Variants in CES1 observed in about 807,000 individuals in gnomAD.
CES1 encodes the protein liver carboxylesterase 1.
CES1 carries 50 observed loss-of-function variants against 53.0 expected under a neutral mutation model. That is an observed-to-expected ratio of 0.94 (90% CI 0.75 to 1.19). The LOEUF (loss-of-function observed/expected upper bound fraction) is 1.19, where lower values mean the gene tolerates loss of function less well. Among genes scored for constraint, CES1 ranks in the 50% most tolerant of loss-of-function variants. The probability of loss-of-function intolerance (pLI) is 0.00; values close to 1 mark genes in which losing one functional copy is unlikely to be tolerated. For missense variants in CES1, 534 were observed against 538.0 expected (o/e 0.99, Z 0.07); for synonymous variants, 202 against 210.1 (o/e 0.96, Z 0.33).
At position 55,826,460 on chromosome 16, in the gene CES1, G is replaced by A. The variant is rs573920001; in HGVS notation, c.261-165C>T. ...AGGCTATCAGGGGCTTCAGGTGGGG[G>A]CGCTGGGACTCACTAAGGTCTCCTA... On this transcript the variant is annotated intron_variant, in intron 2 of 13. Transcript: ENST00000360526. Among the ~76,000 whole-genome samples, 503 of 152,214 alleles carry A rather than the reference G, an allele frequency of 3.3e-3. 4 individuals are homozygous for A. The highest frequency in any genetic ancestry group is 3.2e-3 in the Non-Finnish European group (218 of 68,026).
In CES1 at chr16:55,821,467, GGCA is replaced by G; in HGVS notation, c.591_593del (p.Ala198del). ...CAATGTTGTCCTGGACCCAGCGCAG[GGCA>G]GCCACCTGGTCCAGGTGACCCCAGT... On this transcript the variant is annotated inframe_deletion, in exon 5 of 14. Transcript: ENST00000360526. The G allele has an allele frequency of 1.2e-6, 2 of 1,614,170 alleles. No homozygotes were observed. Among genetic ancestry groups the G allele is most frequent in the Non-Finnish European group, 8.5e-7 (1 of 1,180,038 alleles).
In CES1 at chr16:55,811,029, T is replaced by A. The variant is rs1212872005; in HGVS notation, c.1087-19A>T. ...TCAACTGCTAAAAAAAAAAAAAAGTTCAGCATTTATGAATCATTGGGAATT... is the reference window on the plus strand; with the variant it reads ...TCAACTGCTAAAAAAAAAAAAAAGTACAGCATTTATGAATCATTGGGAATT... On this transcript the variant is annotated intron_variant, in intron 9 of 13. Coordinates refer to ENST00000360526, the MANE Select transcript of CES1 (RefSeq NM_001025195.2). The A allele has an allele frequency of 6.6e-7, 1 of 1,514,938 alleles. No homozygotes were observed. The highest frequency in any genetic ancestry group is 2.2e-5 in the East Asian group (1 of 44,518). 93.8% of individuals were successfully genotyped at this position (1,514,938 alleles called of 1,614,324 possible). A position where few individuals can be genotyped will look rare whatever the true frequency, so the allele number is the denominator to read the frequency against.
chr16:55,811,062 A>C (rs1277619059), intron 9 of CES1, 52 bp from the exon 10 acceptor site: 1 of 1,457,794 alleles, frequency 6.9e-7, no homozygotes, highest in African/African-American at 1.4e-5. Context: ...ATTAATGATA[A>C]GAAACAAACT....
Position 55,828,768 on chromosome 16 carries a change from T to A in CES1, c.259A>T (p.Met87Leu), listed in dbSNP as rs757381382. Residue 87 changes from methionine to leucine, a missense_variant and splice_region_variant, in exon 2 of 14, where the codon ATG (methionine) becomes TTG (leucine). Met to Leu is a conservative substitution (Grantham distance 15). Transcript: ENST00000360526. ...FVKNATSYPP[M>L]CTQDPKAGQL... The stretch of plus-strand genomic sequence containing the variant: ...CCAAGGACACATGCCGCAGCTTACA[T>A]AGGAGGGTACGAGGTGGCATTCTTC... The A allele has an allele frequency of 4.3e-6, 7 of 1,614,232 alleles. No homozygotes were observed. The East Asian group carries it at 1.1e-4, about 26-fold the overall frequency.
Position 55,812,945 on chromosome 16 carries a change from C to G in CES1, c.1044G>C (p.Met348Ile). 1 of 1,614,062 alleles carries G rather than the reference C, an allele frequency of 6.2e-7. No individual in the cohort carries two copies. The highest frequency in any genetic ancestry group is 2.2e-5 in the East Asian group (1 of 44,890). Reference sequence around the variant, plus strand: ...CAAACTCCTGCTTGTTAATTCCGACCATGTAGGGGACAGTGTGGAAATTCC... The same window carrying G: ...CAAACTCCTGCTTGTTAATTCCGACGATGTAGGGGACAGTGTGGAAATTCC... ...AERNFHTVPY[M>I]VGINKQEFGW... Residue 348 changes from methionine (M) to isoleucine (I), a missense_variant, in exon 9 of 14, where the codon ATG (methionine) becomes ATC (isoleucine). Around this residue, in one of 5 missense-constraint regions of CES1, gnomAD observed 269 missense variants for 206.6 expected, o/e 1.30. Transcript: ENST00000360526.
intron 7 of CES1, among the ~76,000 whole-genome samples, chr16:55,818,833 A>G (rs2032055839): frequency 1.3e-5 from 2 of 151,934 alleles, no homozygotes; most frequent in Non-Finnish European, 2.9e-5. Flanking sequence ...AGATGGGTGA[A>G]AACTAGCAGA....
chr16:55,821,271 T>C, intron 5 of CES1, 97 bp downstream of exon 5: 2 of 1,470,868 alleles, frequency 1.4e-6, no homozygotes, highest in East Asian at 2.2e-5. Flanking sequence ...TCAGGTATTG[T>C]AATCAGAGGT....
intron 9 of CES1, 125 bp downstream of exon 9, chr16:55,812,778 C>T (rs1289005732): frequency 1.4e-6 from 2 of 1,387,022 alleles, no homozygotes; most frequent in African/African-American, 2.9e-5. Context: ...AATGTTAACT[C>T]CTGCTGAAGG....
chr16:55,821,537 C>T lies in CES1; in HGVS notation c.540-16G>A, dbSNP rs757291993. Reference sequence around the variant, plus strand: ...ATCCCCTGTGCTGTGAGGAAGAGAACAGGTTGAGGGTGGGGAGCAGAGATG... The same window carrying T: ...ATCCCCTGTGCTGTGAGGAAGAGAATAGGTTGAGGGTGGGGAGCAGAGATG... On this transcript the variant is annotated splice_polypyrimidine_tract_variant and intron_variant, in intron 4 of 13. Transcript: ENST00000360526. The T allele has an allele frequency of 3.1e-6, 5 of 1,613,974 alleles. No individual in the cohort carries two copies. In the African/African-American group the frequency reaches 4.0e-5, roughly 13 times the overall value.
chr16:55,812,878 C>T, intron 9 of CES1, 25 bp downstream of exon 9: 16 of 1,613,644 alleles, frequency 9.9e-6, no homozygotes, highest in Non-Finnish European at 1.3e-5. Context: ...GGTTGAGTCC[C>T]TCCAACAGAC....
intron 1 of CES1, among the ~76,000 whole-genome samples, chr16:55,830,809 G>GGAAGGAAGGAAGGAAGGTAA (rs2032623648): frequency 7.1e-6 from 1 of 140,982 alleles, no homozygotes; most frequent in Non-Finnish European, 1.6e-5. Flanking sequence ...AAGGAAGGAA[G>GGAAGGAAGGAAGGAAGGTAA]GAAGGAAGGA....
Position 55,821,458 on chromosome 16 carries a change from C to A in CES1, c.603G>T (p.Trp201Cys). 1 of 1,614,158 alleles carries A rather than the reference C, an allele frequency of 6.2e-7. No individual in the cohort carries two copies. The highest frequency in any genetic ancestry group is 2.2e-5 in the East Asian group (1 of 44,880). Reference protein sequence around the residue: ...GHLDQVAALRWVQDNIASFGG... With the variant: ...GHLDQVAALRCVQDNIASFGG... ...CAAAGCTGGCAATGTTGTCCTGGAC[C>A]CAGCGCAGGGCAGCCACCTGGTCCA... Residue 201 changes from tryptophan to cysteine, a missense_variant, in exon 5 of 14, where the codon TGG becomes TGT. Physicochemically the swap from Trp to Cys is radical, Grantham distance 215. Transcript: ENST00000360526.
chr16:55,811,431 A>G (rs1204029725), intron 9 of CES1, among the ~76,000 whole-genome samples: 1 of 152,056 alleles, frequency 6.6e-6, no homozygotes, highest in East Asian at 1.9e-4. Context: ...ATGACACTGA[A>G]ATCCTTAAAT....
At chr16:55,817,704 GTCTGTGTGTGTC>G (rs1192769721) in intron 7 of CES1, among the ~76,000 whole-genome samples, 1 of 151,862 alleles carries the variant, frequency 6.6e-6, no homozygotes, top group Non-Finnish European at 1.5e-5. Flanking sequence ...GTGTGTGGGT[GTCTGTGTGTGTC>G]TCTGTGTGTG....
intron 1 of CES1, among the ~76,000 whole-genome samples, chr16:55,831,412 A>AG (rs1350499639): frequency 6.6e-6 from 1 of 150,970 alleles, no homozygotes; most frequent in African/African-American, 2.5e-5. Context: ...AGGGTGAAAA[A>AG]GTGGGTGAAT....
At chr16:55,832,817 C>T (rs2032735367) in intron 1 of CES1, among the ~76,000 whole-genome samples, 187 bp downstream of exon 1, 1 of 152,250 alleles carries the variant, frequency 6.6e-6, no homozygotes, top group Non-Finnish European at 1.5e-5. Context: ...GTTCACCCTC[C>T]CTGCGTCTCC....
intron 1 of CES1, among the ~76,000 whole-genome samples, chr16:55,831,341 G>T (rs2032663138): frequency 1.3e-5 from 2 of 151,660 alleles, no homozygotes; most frequent in South Asian, 2.1e-4. Context: ...CCACTGGGCT[G>T]GTCATGCTCA....
chr16:55,833,030 G>A lies in CES1; in HGVS notation c.26C>T (p.Ala9Val). ...CCAAGCCGCGGAAGCAGAGAGAGTG[G>A]CCAGGATAAAGGCACGGAGCCACAT... The part of the protein sequence containing the change: MWLRAFIL[A>V]TLSASAAWAG... The change falls in exon 1 of 14, where the codon GCC (alanine) becomes GTC (valine). Residue 9 changes from alanine (A) to valine (V), a missense_variant. Ala to Val is a moderately conservative substitution (Grantham distance 64). This residue lies in a region of CES1 where 164 missense variants were observed against 162.4 expected (regional missense o/e 1.01). Transcript: ENST00000360526. 1 of 1,556,190 alleles carries A rather than the reference G, an allele frequency of 6.4e-7. No homozygotes were observed.
At chr16:55,812,762 C>T (rs748532458) in intron 9 of CES1, 141 bp downstream of exon 9, 50 of 1,229,052 alleles carry the variant, frequency 4.1e-5, no homozygotes, top group Middle Eastern at 5.3e-4. Context: ...AGAAGATTTC[C>T]GTGGAAATGT....
Sources: allele counts gnomAD v4.1 joint callset (sites outside exome capture counted in the v4.1 genomes callset), GRCh38; gene constraint gnomAD v4.1.1; regional missense constraint gnomAD v4.1.1; transcripts MANE v1.5; gene names NCBI Gene and HGNC (gene_info 2026-07-23, HGNC 2026-07-21).